Variants in TRPM7 observed in about 807,000 individuals in gnomAD.
TRPM7 encodes LTRPC ion channel family member 7.
TRPM7 carries 134 observed loss-of-function variants against 229.7 expected under a neutral mutation model. That is an observed-to-expected ratio of 0.58 (90% confidence interval 0.51 to 0.67). The LOEUF (loss-of-function observed/expected upper bound fraction) is 0.67. Among genes scored for constraint, TRPM7 ranks in the 30% least tolerant of loss-of-function variants. The pLI is 0.00. For missense variants in TRPM7, 1,901 were observed against 2,210.0 expected (o/e 0.86, Z 2.80); for synonymous variants, 699 against 715.2 (o/e 0.98, Z 0.36).
chr15:50,668,692 G>A (rs2061933025), intron 1 of TRPM7, among the ~76,000 whole-genome samples: 1 of 152,088 alleles, frequency 6.6e-6, no homozygotes, highest in African/African-American at 2.4e-5. Flanking sequence ...ATCTTTAGTA[G>A]AAACAGGTTT....
intron 1 of TRPM7, among the ~76,000 whole-genome samples, chr15:50,667,008 ACCTGTT>A (rs2061900346): frequency 6.6e-6 from 1 of 152,042 alleles, no homozygotes; most frequent in Non-Finnish European, 1.5e-5. Flanking sequence ...AGATCCAGGA[ACCTGTT>A]CCTGGGGTCT....
At chr15:50,624,410 G>A in intron 11 of TRPM7, 110 bp from the exon 12 acceptor site, 2 of 994,920 alleles carry the variant, frequency 2.0e-6, no homozygotes, top group Non-Finnish European at 2.8e-6. Flanking sequence ...AACAGTTTTA[G>A]AACAAAATTA....
At chr15:50,608,635 A>G (rs2059983771) in intron 19 of TRPM7, among the ~76,000 whole-genome samples, 2 of 152,232 alleles carry the variant, frequency 1.3e-5, no homozygotes, top group South Asian at 4.1e-4. Context: ...AGGAACAAGA[A>G]CATTTTCATA....
Position 50,574,205 on chromosome 15 carries a change from C to G in TRPM7, c.5308+69G>C, listed in dbSNP as rs541431212. On this transcript the variant is annotated intron_variant, in intron 36 of 38. Coordinates refer to ENST00000646667, the MANE Select transcript of TRPM7 (RefSeq NM_017672.6). ...TTATTTATCTATAAATTAGCAGATT[C>G]TGTATAACATATGAATAGGTGAGAA... The G allele has an allele frequency of 9.8e-6, 12 of 1,230,670 alleles. No homozygotes were observed. In the South Asian group the frequency reaches 1.4e-4, roughly 14 times the overall value. 76.2% of individuals were successfully genotyped at this position (1,230,670 alleles called of 1,614,324 possible). A position where few individuals can be genotyped will look rare whatever the true frequency, so the allele number is the denominator to read the frequency against.
intron 28 of TRPM7, among the ~76,000 whole-genome samples, chr15:50,585,509 C>T (rs1194637643): frequency 1.3e-5 from 2 of 152,150 alleles, no homozygotes; most frequent in African/African-American, 4.8e-5. Context: ...TGTTGATATC[C>T]TTTTTGAGAT....
In TRPM7 at chr15:50,612,728, T is replaced by A; in HGVS notation, c.1872A>T (p.Glu624Asp). Residue 624 changes from glutamate to aspartate, a missense_variant, in exon 16 of 39, where the codon GAA becomes GAT. Coordinates refer to ENST00000646667, the MANE Select transcript of TRPM7 (RefSeq NM_017672.6). Reference protein sequence around the residue: ...ETKRFPYPLNELLIWACLMKR... With the variant: ...ETKRFPYPLNDLLIWACLMKR... ...TCATAAGGCAAGCCCAAATTAAAAG[T>A]TCATTAAGTGGATAAGGAAAGCGCT... The A allele has an allele frequency of 6.2e-7, 1 of 1,614,154 alleles. No individual in the cohort carries two copies. Among genetic ancestry groups the A allele is most frequent in the Non-Finnish European group, 8.5e-7 (1 of 1,180,016 alleles).
chr15:50,596,451 T>TGA, intron 22 of TRPM7, 70 bp from the exon 23 acceptor site: 1 of 1,147,510 alleles, frequency 8.7e-7, no homozygotes, highest in Non-Finnish European at 1.2e-6. Context: ...CTGCTATTCA[T>TGA]GAGTGTTTCT....
chr15:50,611,403 C>T (rs4775894), intron 16 of TRPM7, 82 bp from the exon 17 acceptor site: 452,500 of 999,680 alleles, frequency 0.45, 104,706 homozygotes, highest in Admixed American at 0.55. Flanking sequence ...ATTAATACTT[C>T]CTACTTTTTA....
chr15:50,669,323 T>C (rs1416801493), intron 1 of TRPM7, among the ~76,000 whole-genome samples: 1 of 151,876 alleles, frequency 6.6e-6, no homozygotes, highest in Admixed American at 6.6e-5. Flanking sequence ...TAATTCCAAC[T>C]ACACAGGAAG....
chr15:50,635,605 GTGAGC>G (rs2140698702), intron 7 of TRPM7, among the ~76,000 whole-genome samples: 1 of 143,252 alleles, frequency 7.0e-6, no homozygotes, highest in East Asian at 2.1e-4. Flanking sequence ...GAAAGTTGCA[GTGAGC>G]TGAGATCGTG....
Position 50,686,783 on chromosome 15 carries a change from GA to G in TRPM7, c.-251del, listed in dbSNP as rs2062369740. 2.3e-6 allele frequency: 1 copy of G among 434,766 alleles called. No individual in the cohort carries two copies. The highest frequency in any genetic ancestry group is 4.0e-6 in the Non-Finnish European group (1 of 249,696). 26.9% of individuals were successfully genotyped at this position (434,766 alleles called of 1,614,324 possible). On this transcript the variant is annotated 5_prime_UTR_variant, in exon 1 of 39. Transcript: ENST00000646667. ...CGCGCCCGCGCCCGCCTCCGCCGGC[GA>G]CGGGGCTGGGGACGGACCACGTGAG...
intron 1 of TRPM7, among the ~76,000 whole-genome samples, chr15:50,665,574 A>C (rs951128138): frequency 6.6e-6 from 1 of 152,224 alleles, no homozygotes; most frequent in African/African-American, 2.4e-5. Context: ...ATAAAAATTC[A>C]TAATTAAAAA....
chr15:50,665,271 T>C (rs1436040911), intron 1 of TRPM7, among the ~76,000 whole-genome samples: 1 of 151,646 alleles, frequency 6.6e-6, no homozygotes, highest in Non-Finnish European at 1.5e-5. Flanking sequence ...GTGGCACACA[T>C]CTGTAATCCC....
chr15:50,596,284 A>G lies in TRPM7; in HGVS notation c.3261T>C (p.Ile1087=). The change falls in exon 23 of 39, where the codon ATT becomes ATC. Residue 1087 remains isoleucine, a synonymous_variant. Coordinates refer to ENST00000646667, the MANE Select transcript of TRPM7 (RefSeq NM_017672.6). ...QAVYLFVQYI[I]MVNLLIAFFN... ...AAAATGCAATAAGAAGATTAACCAT[A>G]ATGATATACTGTACAAAGAGGTAGA... is the stretch of plus-strand genomic sequence containing the variant. The G allele has an allele frequency of 6.4e-7, 1 of 1,559,752 alleles. No homozygotes were observed. The highest frequency in any genetic ancestry group is 8.7e-7 in the Non-Finnish European group (1 of 1,154,430).
At chr15:50,669,100 CA>C (rs1232118664) in intron 1 of TRPM7, among the ~76,000 whole-genome samples, 1 of 152,070 alleles carries the variant, frequency 6.6e-6, no homozygotes, top group Non-Finnish European at 1.5e-5. Flanking sequence ...GAAATTTACC[CA>C]ATACATAAAG....
intron 22 of TRPM7, 61 bp from the exon 23 acceptor site, chr15:50,596,442 TGCTATTCATGAGTGTTTCTG>T: frequency 8.1e-7 from 1 of 1,237,702 alleles, no homozygotes; most frequent in Admixed American, 3.1e-5. Context: ...CATCAGTAAC[TGCTATTCATGAGTGTTTCTG>T]GTTATTTATT....
At chr15:50,607,354 A>G in intron 19 of TRPM7, 26 bp from the exon 20 acceptor site, 1 of 1,502,100 alleles carries the variant, frequency 6.7e-7, no homozygotes, top group Non-Finnish European at 9.0e-7. Flanking sequence ...AGGTTACATA[A>G]ATAACATTGG....
At position 50,592,077 on chromosome 15, in the gene TRPM7, ACTGC is replaced by A; in HGVS notation, c.4154_4157del (p.Gly1385ValfsTer56). 1 of 1,612,584 alleles carries A rather than the reference ACTGC, an allele frequency of 6.2e-7. No individual in the cohort carries two copies. The highest frequency in any genetic ancestry group is 8.5e-7 in the Non-Finnish European group (1 of 1,179,634). Reference sequence around the variant, plus strand: ...ACAGATGTGGTATGCTAGTAGATGAACTGCCTAATTTTTGATTTTTATTAAATAT... The same window carrying A: ...ACAGATGTGGTATGCTAGTAGATGAACTAATTTTTGATTTTTATTAAATAT... On this transcript the variant is annotated frameshift_variant, in exon 26 of 39. Transcript: ENST00000646667. LOFTEE classifies it high-confidence loss of function.
Position 50,684,402 on chromosome 15 carries a change from G to A in TRPM7, c.3+2129C>T, listed in dbSNP as rs190468654. Among the ~76,000 whole-genome samples, 129 of 152,218 alleles carry A rather than the reference G, an allele frequency of 8.5e-4. 2 individuals carry two copies. The South Asian group carries it at 9.3e-3, about 11-fold the overall frequency. On this transcript the variant is annotated intron_variant, in intron 1 of 38. Transcript: ENST00000646667. ...CATGCCTGTAATCCCAACACTTTGG[G>A]AGGTGAGACAGCCAGATCACTGGAC...
Sources: gnomAD v4.1 joint callset for allele counts (sites outside exome capture counted in the v4.1 genomes callset) on GRCh38, gnomAD v4.1.1 for gene constraint, MANE v1.5 for transcripts, NCBI Gene and HGNC (gene_info 2026-07-23, HGNC 2026-07-21) for gene names.